CLEC5A: variants seen among roughly 807,000 people sequenced by gnomAD.
CLEC5A encodes the protein C-type lectin domain family 5 member A.
CLEC5A carries 15 observed loss-of-function variants against 24.4 expected under a neutral mutation model. The observed-to-expected ratio is 0.62, with a 90% CI of 0.41 to 0.95. The LOEUF is 0.95. Among genes scored for constraint, CLEC5A ranks in the 40% least tolerant of loss-of-function variants. The pLI, the probability that CLEC5A is intolerant of heterozygous loss-of-function variation, is 0.00. For synonymous variants in CLEC5A, 71 were observed against 72.6 expected (o/e 0.98, Z 0.11); for missense variants, 211 against 224.0 (o/e 0.94, Z 0.37).
intron 2 of CLEC5A, 149 bp downstream of exon 2, chr7:141,946,065 G>A (rs183512182): frequency 4.1e-6 from 3 of 739,246 alleles, no homozygotes; most frequent in Admixed American, 5.0e-5. Context: ...AGTGAGAAAG[G>A]CATTGCCAAT....
intron 5 of CLEC5A, among the ~76,000 whole-genome samples, chr7:141,935,424 T>C (rs1423372946): frequency 6.6e-6 from 1 of 152,236 alleles, no homozygotes; most frequent in South Asian, 2.1e-4. Context: ...TTGTTTACTA[T>C]GCAGACTGGG....
At chr7:141,932,735 T>A (rs782241764) in intron 5 of CLEC5A, among the ~76,000 whole-genome samples, 6 of 152,222 alleles carry the variant, frequency 3.9e-5, no homozygotes, top group Non-Finnish European at 8.8e-5. Flanking sequence ...GTTGGCAAAC[T>A]ACAACCAGTG....
intron 6 of CLEC5A, 68 bp from the exon 7 acceptor site, chr7:141,930,286 T>G: frequency 8.3e-7 from 1 of 1,206,460 alleles, no homozygotes; most frequent in Non-Finnish European, 1.2e-6. Flanking sequence ...GGCCCATCAT[T>G]TTAGCCCAGC....
chr7:141,944,036 G>T (rs1008221864), intron 3 of CLEC5A, 72 bp from the exon 4 acceptor site: 3 of 891,126 alleles, frequency 3.4e-6, no homozygotes, highest in Non-Finnish European at 5.7e-6. Flanking sequence ...TCAGAGTATG[G>T]GCTGTGTGAC....
intron 4 of CLEC5A, among the ~76,000 whole-genome samples, chr7:141,941,830 A>G (rs541320475): frequency 5.2e-4 from 79 of 152,244 alleles, no homozygotes; most frequent in Non-Finnish European, 1.0e-3. Context: ...CATTTATAAT[A>G]GCTACAAATA....
intron 4 of CLEC5A, among the ~76,000 whole-genome samples, chr7:141,942,470 A>G (rs1554441723): frequency 6.6e-6 from 1 of 152,132 alleles, no homozygotes. Context: ...AAGCTATGAA[A>G]ATACAAGAAA....
At position 141,929,814 on chromosome 7, in the gene CLEC5A, T is replaced by C. The variant is rs1160820866; in HGVS notation, c.*290A>G. 1 of 298,896 alleles carries C rather than the reference T, an allele frequency of 3.3e-6. No individual in the cohort carries two copies. The highest frequency in any genetic ancestry group is 2.2e-5 in the African/African-American group (1 of 45,130). 18.5% of individuals were successfully genotyped at this position (298,896 alleles called of 1,614,324 possible). ...AGTATGGTATACTCTGAGGCTAAAA[T>C]AAAACAAACCCTGTCAACAGACTAG... On this transcript the variant is annotated 3_prime_UTR_variant, in exon 7 of 7. Coordinates refer to ENST00000546910, the MANE Select transcript of CLEC5A (RefSeq NM_013252.3).
intron 5 of CLEC5A, among the ~76,000 whole-genome samples, chr7:141,932,629 A>G (rs2128960467): frequency 1.3e-5 from 2 of 152,294 alleles, no homozygotes; most frequent in South Asian, 4.1e-4. Context: ...TCATTCACCA[A>G]ACATCTCTCG....
chr7:141,937,991 A>G (rs964015240), intron 4 of CLEC5A, among the ~76,000 whole-genome samples: 7 of 152,346 alleles, frequency 4.6e-5, no homozygotes, highest in East Asian at 3.9e-4. Context: ...CCCCATGCAG[A>G]TAGAGCTTAG....
chr7:141,942,791 G>A (rs2128962398), intron 4 of CLEC5A, among the ~76,000 whole-genome samples: 1 of 152,232 alleles, frequency 6.6e-6, no homozygotes, highest in South Asian at 2.1e-4. Flanking sequence ...TTTCTCCAAA[G>A]AAGTTGTACA....
chr7:141,933,285 T>C (rs1264336203), intron 5 of CLEC5A, among the ~76,000 whole-genome samples: 4 of 152,018 alleles, frequency 2.6e-5, no homozygotes, highest in African/African-American at 9.7e-5. Flanking sequence ...TTTTAGGAGA[T>C]AGCTAAGTTT....
intron 5 of CLEC5A, among the ~76,000 whole-genome samples, chr7:141,933,021 G>A (rs1802510577): frequency 1.3e-5 from 2 of 152,096 alleles, no homozygotes; most frequent in African/African-American, 2.4e-5. Flanking sequence ...AAAATATTTT[G>A]CTTATGTAAT....
rs1554439852 is a variant in CLEC5A, at chr7:141,928,831, A to G, written c.*1273T>C. On this transcript the variant is annotated 3_prime_UTR_variant, in exon 7 of 7. Transcript: ENST00000546910. ...CTGTACTTTGGTGACTATTATTTCC[A>G]TCAGTTTTATACATGGTCTTCCTTA... 6.6e-6 allele frequency: 1 copy of G among 152,204 alleles called. No homozygotes were observed. Among genetic ancestry groups the G allele is most frequent in the Non-Finnish European group, 1.5e-5 (1 of 68,056 alleles). 9.4% of individuals were successfully genotyped at this position (152,204 alleles called of 1,614,324 possible).
intron 4 of CLEC5A, among the ~76,000 whole-genome samples, chr7:141,942,113 C>G (rs1175624029): frequency 4.6e-5 from 7 of 151,992 alleles, no homozygotes; most frequent in Non-Finnish European, 7.4e-5. Context: ...AAGACCCAGA[C>G]TGTCCAAAGC....
In CLEC5A at chr7:141,946,195, A is replaced by G; in HGVS notation, c.79+19T>C. 1 of 1,555,048 alleles carries G rather than the reference A, an allele frequency of 6.4e-7. No individual in the cohort carries two copies. The highest frequency in any genetic ancestry group is 8.7e-7 in the Non-Finnish European group (1 of 1,147,930). On this transcript the variant is annotated intron_variant, in intron 2 of 6. Transcript: ENST00000546910. ...AAGACAACATGAAGTCTGGGGCAAG[A>G]GGTTGCTCAAATACTCACAATAAAG... is the stretch of plus-strand genomic sequence containing the variant.
intron 4 of CLEC5A, among the ~76,000 whole-genome samples, chr7:141,941,379 C>A (rs1285971): frequency 5.3e-5 from 8 of 152,166 alleles, no homozygotes; most frequent in East Asian, 1.9e-4. Flanking sequence ...AGTCAACATC[C>A]CTTCATGATT....
intron 5 of CLEC5A, among the ~76,000 whole-genome samples, chr7:141,933,372 G>C (rs1802519738): frequency 6.6e-6 from 1 of 151,880 alleles, no homozygotes; most frequent in Non-Finnish European, 1.5e-5. Flanking sequence ...AAGCAGCCTG[G>C]AGCTCTTGAG....
At chr7:141,930,328 G>A (rs1802420092) in intron 6 of CLEC5A, 110 bp from the exon 7 acceptor site, 1 of 812,070 alleles carries the variant, frequency 1.2e-6, no homozygotes, top group Admixed American at 2.3e-5. Flanking sequence ...GAGTCTTGCA[G>A]GAGTTTTGCC....
chr7:141,936,103 C>G (rs781794704), intron 4 of CLEC5A, 153 bp from the exon 5 acceptor site: 1 of 672,750 alleles, frequency 1.5e-6, no homozygotes, highest in Non-Finnish European at 2.6e-6. Context: ...TCCACCCAGT[C>G]TAGTCTGGTT....
Sources: allele counts gnomAD v4.1 joint callset (sites outside exome capture counted in the v4.1 genomes callset), GRCh38; gene constraint gnomAD v4.1.1; transcripts MANE v1.5; gene names NCBI Gene and HGNC (gene_info 2026-07-23, HGNC 2026-07-21).